RIMBP2: variants seen among roughly 807,000 people sequenced by gnomAD.
RIMBP2 encodes the protein RIMS binding protein 2, also known as RIMS-binding protein 2.
A neutral mutation model predicts 118.6 loss-of-function variants in RIMBP2; 48 were observed. The observed-to-expected ratio is 0.40, with a 90% CI of 0.32 to 0.51. The LOEUF is 0.51. Among genes scored for constraint, RIMBP2 ranks in the 20% least tolerant of loss-of-function variants. The probability of loss-of-function intolerance (pLI) is 0.41; values close to 1 mark genes in which losing one functional copy is unlikely to be tolerated. For synonymous variants in RIMBP2, 762 were observed against 742.9 expected (o/e 1.03, Z -0.42); for missense variants, 1,551 against 1,768.3 (o/e 0.88, Z 2.20).
intron 18 of RIMBP2, 88 bp from the exon 19 acceptor site, chr12:130,412,875 G>A (rs868101160): frequency 2.4e-5 from 29 of 1,208,100 alleles, no homozygotes; most frequent in Admixed American, 8.1e-5. Context: ...GAGTGTAGTC[G>A]AAAATATATT....
intron 2 of RIMBP2, among the ~76,000 whole-genome samples, chr12:130,555,130 G>T (rs2056221641): frequency 6.6e-6 from 1 of 152,202 alleles, no homozygotes; most frequent in African/African-American, 2.4e-5. Context: ...ACACAGAAAA[G>T]ACTTGAACCC....
chr12:130,437,304 A>C lies in RIMBP2; in HGVS notation c.1657-13T>G, dbSNP rs2077599538. 2 of 1,563,126 alleles carry C rather than the reference A, an allele frequency of 1.3e-6. No homozygotes were observed. The highest frequency in any genetic ancestry group is 1.7e-6 in the Non-Finnish European group (2 of 1,162,074). ...TGACTTCAGCCACCTGTGGACAAGC[A>C]GAGCTGGCTCGCGGGCTGCCCGAGG... On this transcript the variant is annotated splice_polypyrimidine_tract_variant and intron_variant, in intron 12 of 22. Coordinates refer to ENST00000690449, the MANE Select transcript of RIMBP2 (RefSeq NM_001393629.1).
chr12:130,451,577 T>TCAGGACGAGGATGGTCC (rs2079016799), intron 7 of RIMBP2, among the ~76,000 whole-genome samples: 1 of 152,220 alleles, frequency 6.6e-6, no homozygotes, highest in African/African-American at 2.4e-5. Context: ...GTTTGGGGGC[T>TCAGGACGAGGATGGTCC]CAGGACGAGG....
chr12:130,700,876 T>G (rs1296489940), intron 1 of RIMBP2, among the ~76,000 whole-genome samples: 1 of 152,170 alleles, frequency 6.6e-6, no homozygotes, highest in Non-Finnish European at 1.5e-5. Context: ...CTGCATACAC[T>G]TTGTGAATGC....
At chr12:130,549,996 C>T (rs2055580727) in intron 2 of RIMBP2, among the ~76,000 whole-genome samples, 1 of 152,186 alleles carries the variant, frequency 6.6e-6, no homozygotes, top group African/African-American at 2.4e-5. Flanking sequence ...GTTCCCTTTT[C>T]TCCACAATCT....
Position 130,469,015 on chromosome 12 carries a change from C to T in RIMBP2, c.153+1678G>A, listed in dbSNP as rs753434047. On this transcript the variant is annotated intron_variant, in intron 6 of 22. Transcript: ENST00000690449. The surrounding 1 kb of genome is among the most constrained non-coding windows in gnomAD (Gnocchi z 4.8). Reference sequence around the variant, plus strand: ...CCAGGCTGAGGAACCCCGACCACCCCCCACCTGCGTCAGAAGCTGCAGTTC... The same window carrying T: ...CCAGGCTGAGGAACCCCGACCACCCTCCACCTGCGTCAGAAGCTGCAGTTC... 1.3e-5 allele frequency: 2 copies of T among 152,366 alleles called. No individual in the cohort carries two copies. Among genetic ancestry groups the T allele is most frequent in the South Asian group, 2.1e-4 (1 of 4,834 alleles). The allele number at this position is 152,366 out of a possible 1,614,324, so 9.4% of individuals were successfully genotyped here. A position where few individuals can be genotyped will look rare whatever the true frequency, so the allele number is the denominator to read the frequency against.
chr12:130,523,185 G>C lies in RIMBP2; in HGVS notation c.-216-5268C>G, dbSNP rs1386525095. Among the ~76,000 whole-genome samples the C allele has an allele frequency of 6.6e-6, 1 of 151,788 alleles. No homozygotes were observed. Among genetic ancestry groups the C allele is most frequent in the African/African-American group, 2.4e-5 (1 of 41,280 alleles). On this transcript the variant is annotated intron_variant, in intron 2 of 22. Coordinates refer to ENST00000690449, the MANE Select transcript of RIMBP2 (RefSeq NM_001393629.1). This position sits in a 1 kb window ranked among gnomAD's most constrained non-coding sequence, Gnocchi z 4.4. The stretch of plus-strand genomic sequence containing the variant: ...TGTGTCTCTGTTTCTCTGCCTCTCT[G>C]TCTCTATTTCTCTGTGTTGGGGGGG...
intron 2 of RIMBP2, among the ~76,000 whole-genome samples, chr12:130,566,445 C>T (rs776393476): frequency 8.5e-5 from 13 of 152,210 alleles, no homozygotes; most frequent in Non-Finnish European, 1.2e-4. Context: ...TGTGATACGT[C>T]GCTTCTGAGG....
chr12:130,658,650 G>C (rs7966312), intron 1 of RIMBP2: 2 of 151,658 alleles, frequency 1.3e-5, no homozygotes, highest in Non-Finnish European at 2.9e-5. Flanking sequence ...TGCAGCCTCC[G>C]GTTGCCCTGA....
intron 4 of RIMBP2, among the ~76,000 whole-genome samples, chr12:130,480,033 A>C (rs1024223205): frequency 5.9e-5 from 9 of 151,844 alleles, no homozygotes; most frequent in Non-Finnish European, 8.8e-5. Flanking sequence ...AGCCTGCAGG[A>C]GGAAACACAT....
At chr12:130,510,907 AG>A (rs1296672689) in intron 3 of RIMBP2, among the ~76,000 whole-genome samples, 1 of 152,094 alleles carries the variant, frequency 6.6e-6, no homozygotes, top group Non-Finnish European at 1.5e-5. Flanking sequence ...CAAGGAGGAG[AG>A]GGTGTGTGGA....
intron 21 of RIMBP2, among the ~76,000 whole-genome samples, chr12:130,403,175 TAA>T (rs1247777273): frequency 7.2e-5 from 11 of 152,202 alleles, no homozygotes; most frequent in Non-Finnish European, 1.5e-4. Flanking sequence ...CCAAGAAATT[TAA>T]GATTTTTGGT....
At chr12:130,647,689 T>A (rs1566424914) in intron 1 of RIMBP2, among the ~76,000 whole-genome samples, 2 of 145,798 alleles carry the variant, frequency 1.4e-5, no homozygotes, top group South Asian at 2.1e-4. Context: ...CCTAACCAAC[T>A]ACAAATCAGA....
At chr12:130,498,627 A>G (rs1287525838) in intron 4 of RIMBP2, among the ~76,000 whole-genome samples, 2 of 117,072 alleles carry the variant, frequency 1.7e-5, no homozygotes, top group Non-Finnish European at 3.7e-5. Flanking sequence ...TGAGGGAAAC[A>G]GCATTCAAAA....
At chr12:130,529,313 G>A (rs377061190) in intron 2 of RIMBP2, among the ~76,000 whole-genome samples, 23 of 152,136 alleles carry the variant, frequency 1.5e-4, no homozygotes, top group African/African-American at 4.8e-4. Context: ...CCTGATTCAC[G>A]CTACAACAGG....
chr12:130,471,994 G>A (rs2081050097), intron 5 of RIMBP2: 1 of 152,640 alleles, frequency 6.6e-6, no homozygotes, highest in Non-Finnish European at 1.5e-5. Flanking sequence ...TTTGGCTTGG[G>A]AGGAGGTGAG....
At chr12:130,685,249 C>G (rs573772700) in intron 1 of RIMBP2, among the ~76,000 whole-genome samples, 2 of 152,142 alleles carry the variant, frequency 1.3e-5, no homozygotes, top group African/African-American at 4.8e-5. Flanking sequence ...TTTACCTCTC[C>G]GTCTCCAGAT....
In RIMBP2 at chr12:130,539,936, A is replaced by C. The variant is rs12368094; in HGVS notation, c.-216-22019T>G. On this transcript the variant is annotated intron_variant, in intron 2 of 22. Transcript: ENST00000690449. Reference sequence around the variant, plus strand: ...AGTAGATGAGGTGGCCAGGTGTAGGATATGGCAAATGCAGTAGATGAGGTG... The same window carrying C: ...AGTAGATGAGGTGGCCAGGTGTAGGCTATGGCAAATGCAGTAGATGAGGTG... Among the ~76,000 whole-genome samples the C allele has an allele frequency of 2.5e-4, 29 of 115,716 alleles. 1 individual carries two copies. The highest frequency in any genetic ancestry group is 1.1e-3 in the East Asian group (3 of 2,846). 75.9% of individuals were successfully genotyped at this position (115,716 alleles called of 152,430 possible).
At chr12:130,568,508 C>T (rs1263466015) in intron 2 of RIMBP2, among the ~76,000 whole-genome samples, 1 of 152,220 alleles carries the variant, frequency 6.6e-6, no homozygotes, top group African/African-American at 2.4e-5. Context: ...CCTTTTGATC[C>T]TGACTTCTAA....
Sources: allele counts gnomAD v4.1 joint callset (sites outside exome capture counted in the v4.1 genomes callset), GRCh38; gene constraint gnomAD v4.1.1; non-coding constraint Gnocchi (gnomAD v3.1); transcripts MANE v1.5; gene names NCBI Gene and HGNC (gene_info 2026-07-23, HGNC 2026-07-21).